The following CPEB1 variants were observed in gnomAD, a reference collection of about 807,000 sequenced individuals.
CPEB1 encodes the protein cytoplasmic polyadenylation element-binding protein 1.
In CPEB1, 7 loss-of-function variants were observed where a neutral mutation model predicts 65.8. That is an observed-to-expected ratio of 0.11 (90% CI 0.06 to 0.20). CPEB1 has a LOEUF of 0.20. Among genes scored for constraint, CPEB1 ranks in the 10% least tolerant of loss-of-function variants. CPEB1 has a pLI of 1.00. For synonymous variants in CPEB1, 262 were observed against 260.0 expected, an observed-to-expected ratio of 1.01 and a Z score of -0.08; for missense variants, 551 against 712.2, an observed-to-expected ratio of 0.77 and a Z score of 2.58.
intron 3 of CPEB1, among the ~76,000 whole-genome samples, chr15:82,593,618 A>G (rs2042436336): frequency 1.3e-5 from 2 of 152,244 alleles, no homozygotes; most frequent in Non-Finnish European, 2.9e-5. Context: ...CATGCATCAC[A>G]AATGTTCTTA....
Position 82,571,478 on chromosome 15 carries a change from G to C in CPEB1, c.326C>G (p.Ala109Gly). The C allele has an allele frequency of 6.2e-7, 1 of 1,614,172 alleles. No individual in the cohort carries two copies. The highest frequency in any genetic ancestry group is 8.5e-7 in the Non-Finnish European group (1 of 1,180,018). ...TGGGAGGCCACGGGAAGATTCTTGC[G>C]CAGAGGTTGGGAAAAGCATCCTGCT... ...VTSRMLFPTS[A>G]QESSRGLPDA... Residue 109 changes from alanine to glycine, a missense_variant, in exon 4 of 13, where the codon GCG (alanine) becomes GGG (glycine). Physicochemically the swap from Ala to Gly is moderately conservative, Grantham distance 60. Coordinates refer to ENST00000684509, the MANE Select transcript of CPEB1 (RefSeq NM_001365242.1).
intron 3 of CPEB1, among the ~76,000 whole-genome samples, chr15:82,580,876 G>A (rs936499310): frequency 6.7e-6 from 1 of 149,388 alleles, no homozygotes; most frequent in Non-Finnish European, 1.5e-5. Flanking sequence ...TTTTGAGACA[G>A]GGTCTCCTTC....
intron 1 of CPEB1, chr15:82,638,537 G>A (rs2046848367): frequency 6.6e-6 from 1 of 152,066 alleles, no homozygotes; most frequent in Non-Finnish European, 1.5e-5. Context: ...AATAAAGTGA[G>A]CTATTTCTTA....
intron 1 of CPEB1, among the ~76,000 whole-genome samples, chr15:82,633,824 C>T (rs1250997413): frequency 6.6e-6 from 1 of 152,168 alleles, no homozygotes; most frequent in Non-Finnish European, 1.5e-5. Context: ...GCATTTCCCT[C>T]CTCCACAAAG....
At chr15:82,612,771 T>C (rs961025014) in intron 3 of CPEB1, among the ~76,000 whole-genome samples, 3 of 150,522 alleles carry the variant, frequency 2.0e-5, no homozygotes, top group African/African-American at 7.3e-5. Context: ...GGGGCGGAGG[T>C]TGCAGTAAGC....
chr15:82,608,752 C>G (rs1162943395), intron 3 of CPEB1, among the ~76,000 whole-genome samples: 1 of 140,192 alleles, frequency 7.1e-6, no homozygotes, highest in Admixed American at 7.2e-5. Flanking sequence ...ACTAATATTA[C>G]CCTGATCATT....
chr15:82,626,498 CT>C (rs2045790663), intron 3 of CPEB1, among the ~76,000 whole-genome samples: 3 of 152,116 alleles, frequency 2.0e-5, no homozygotes, highest in Admixed American at 1.3e-4. Context: ...ACCCAGAACA[CT>C]TCAACATTCT....
intron 3 of CPEB1, among the ~76,000 whole-genome samples, chr15:82,583,102 C>T (rs767360929): frequency 4.6e-5 from 7 of 152,110 alleles, no homozygotes; most frequent in South Asian, 4.1e-4. Context: ...ATTTCACATT[C>T]GGGTGTTTCT....
At chr15:82,606,810 T>C (rs1596096526) in intron 3 of CPEB1, among the ~76,000 whole-genome samples, 1 of 35,684 alleles carries the variant, frequency 2.8e-5, no homozygotes, top group Non-Finnish European at 4.8e-5. Flanking sequence ...AGAGCGAGAC[T>C]CCGTCTCAAA....
In CPEB1 at chr15:82,628,203, C is replaced by A. The variant is rs150842273; in HGVS notation, c.96+161G>T. 337 of 702,300 alleles carry A rather than the reference C, an allele frequency of 4.8e-4. 1 individual carries two copies. In the East Asian group the frequency reaches 8.6e-3, roughly 18 times the overall value. 43.5% of individuals were successfully genotyped at this position (702,300 alleles called of 1,614,324 possible). ...GCCATCATGCCCAAAATAATAAATT[C>A]CTGCTTAAAAAAACTGTTTCCAGAT... On this transcript the variant is annotated intron_variant, in intron 2 of 12. Coordinates refer to ENST00000684509, the MANE Select transcript of CPEB1 (RefSeq NM_001365242.1).
intron 3 of CPEB1, among the ~76,000 whole-genome samples, chr15:82,583,791 CCTT>C (rs2151111138): frequency 6.6e-6 from 1 of 152,118 alleles, no homozygotes; most frequent in Non-Finnish European, 1.5e-5. Context: ...AACCAATAAA[CCTT>C]CTAAGAAAAA....
At chr15:82,547,106 T>C (rs925242126) in intron 11 of CPEB1, 37 bp downstream of exon 11, 3 of 1,434,720 alleles carry the variant, frequency 2.1e-6, no homozygotes, top group African/African-American at 2.8e-5. Flanking sequence ...ACCCCTCTCA[T>C]ATACCCCAGA....
intron 3 of CPEB1, among the ~76,000 whole-genome samples, chr15:82,598,374 A>G: frequency 6.6e-6 from 1 of 152,054 alleles, no homozygotes; most frequent in Admixed American, 6.6e-5. Context: ...CACACCTGTA[A>G]TCCCAGCTAC....
intron 4 of CPEB1, among the ~76,000 whole-genome samples, chr15:82,558,940 G>A (rs1380951895): frequency 7.6e-6 from 1 of 130,824 alleles, no homozygotes; most frequent in Non-Finnish European, 1.6e-5. Context: ...TAGGAAAGAA[G>A]CCTTAATTTG....
chr15:82,593,637 T>C (rs984804811), intron 3 of CPEB1, among the ~76,000 whole-genome samples: 1 of 152,224 alleles, frequency 6.6e-6, no homozygotes, highest in Non-Finnish European at 1.5e-5. Flanking sequence ...TAACAGTATC[T>C]AGAATAATGA....
chr15:82,580,316 T>C lies in CPEB1; in HGVS notation c.272-8784A>G, dbSNP rs554871602. 5.6e-5 allele frequency among the ~76,000 whole-genome samples: 8 copies of C among 141,644 alleles called. No individual in the cohort carries two copies. In the South Asian group the frequency reaches 1.5e-3, roughly 27 times the overall value. 92.9% of individuals were successfully genotyped at this position (141,644 alleles called of 152,430 possible). ...AGCCTGGAGACAGAGCAAGACTCTG[T>C]CTTAAAAAAAAAAAAAAAGAAGAAG... On this transcript the variant is annotated intron_variant, in intron 3 of 12. Transcript: ENST00000684509.
At position 82,627,377 on chromosome 15, in the gene CPEB1, G is replaced by T; in HGVS notation, c.97-10C>A. The T allele has an allele frequency of 6.4e-7, 1 of 1,572,040 alleles. No homozygotes were observed. Among genetic ancestry groups the T allele is most frequent in the East Asian group, 2.3e-5 (1 of 44,254 alleles). On this transcript the variant is annotated splice_polypyrimidine_tract_variant and intron_variant, in intron 2 of 12. Coordinates refer to ENST00000684509, the MANE Select transcript of CPEB1 (RefSeq NM_001365242.1). ...TTCCTGCTTCTTCTTCCTAGACACA[G>T]AAAAAAAAAGATATTTAGGTTTTCT...
At chr15:82,648,115 G>T (rs1362912273), upstream of CPEB1, 5 of 363,514 alleles carry the variant, frequency 1.4e-5, no homozygotes, top group African/African-American at 8.4e-5. Flanking sequence ...AGGCCGAGCC[G>T]AGGAGGGCTC....
rs990373691 is a variant in CPEB1, at chr15:82,619,142, C to G, written c.271+8051G>C. Among the ~76,000 whole-genome samples, 4 of 152,166 alleles carry G rather than the reference C, an allele frequency of 2.6e-5. No individual in the cohort carries two copies. The East Asian group carries it at 7.7e-4, about 29-fold the overall frequency. On this transcript the variant is annotated intron_variant, in intron 3 of 12. Coordinates refer to ENST00000684509, the MANE Select transcript of CPEB1 (RefSeq NM_001365242.1). ...GAGAAGAGAGTATCCAGAAACGGATCTGTACATATACTATGGATGCCTGAT... is the reference window on the plus strand; with the variant it reads ...GAGAAGAGAGTATCCAGAAACGGATGTGTACATATACTATGGATGCCTGAT...
Sources: allele counts gnomAD v4.1 joint callset (sites outside exome capture counted in the v4.1 genomes callset), GRCh38; gene constraint gnomAD v4.1.1; transcripts MANE v1.5; gene names NCBI Gene and HGNC (gene_info 2026-07-23, HGNC 2026-07-21).